TCF4: variants seen among roughly 807,000 people sequenced by gnomAD.
TCF4 encodes the protein transcription factor 4.
In TCF4, 3 loss-of-function variants were observed where a neutral mutation model predicts 82.1. That is an observed-to-expected ratio of 0.04 (90% CI 0.02 to 0.09). The LOEUF is 0.09. TCF4 is among the 10% of genes least tolerant of loss of function. TCF4 has a pLI of 1.00. For synonymous variants in TCF4, 276 were observed against 309.6 expected (o/e 0.89, Z 1.14); for missense variants, 518 against 852.7 (o/e 0.61, Z 4.89).
At chr18:55,527,397 A>T (rs1262169708) in intron 3 of TCF4, among the ~76,000 whole-genome samples, 1 of 152,232 alleles carries the variant, frequency 6.6e-6, no homozygotes, top group East Asian at 1.9e-4. Flanking sequence ...AAAGAAAAAT[A>T]GTAAGGAATT....
At chr18:55,468,260 C>G (rs1224485594) in intron 3 of TCF4, among the ~76,000 whole-genome samples, 1 of 152,176 alleles carries the variant, frequency 6.6e-6, no homozygotes, top group African/African-American at 2.4e-5. Context: ...AAAATGCACA[C>G]AGTGAAGGAC....
chr18:55,619,557 G>T (rs1489094967), intron 2 of TCF4, among the ~76,000 whole-genome samples: 1 of 152,046 alleles, frequency 6.6e-6, no homozygotes, highest in East Asian at 1.9e-4. Context: ...GTTTGATTTG[G>T]TTCTTTGAAA....
chr18:55,353,692 A>T (rs1180857355), intron 6 of TCF4, among the ~76,000 whole-genome samples: 1 of 152,188 alleles, frequency 6.6e-6, no homozygotes, highest in Non-Finnish European at 1.5e-5. Context: ...TCTCTGTAGC[A>T]ATGAGAAAGA....
chr18:55,279,361 T>C (rs2062072524), intron 9 of TCF4, among the ~76,000 whole-genome samples, 190 bp downstream of exon 9: 1 of 152,220 alleles, frequency 6.6e-6, no homozygotes, highest in African/African-American at 2.4e-5. Context: ...AGGGGTTTAA[T>C]TGTAAAGAAA....
intron 3 of TCF4, among the ~76,000 whole-genome samples, chr18:55,554,140 C>A (rs1335669115): frequency 6.6e-6 from 1 of 152,030 alleles, no homozygotes; most frequent in Non-Finnish European, 1.5e-5. Flanking sequence ...ATTGAGATGA[C>A]AGAACCCTAA....
chr18:55,480,267 T>A, intron 3 of TCF4, among the ~76,000 whole-genome samples: 1 of 95,018 alleles, frequency 1.1e-5, no homozygotes, highest in Admixed American at 1.8e-4. Flanking sequence ...TGGAACACAG[T>A]AGGAACTCCA....
intron 5 of TCF4, among the ~76,000 whole-genome samples, chr18:55,441,954 G>A (rs575174933): frequency 1.9e-4 from 29 of 152,250 alleles, no homozygotes; most frequent in African/African-American, 5.8e-4. Flanking sequence ...AAGAAATCGC[G>A]GTGATCCAGT....
At chr18:55,491,956 T>G (rs1354836792) in intron 3 of TCF4, among the ~76,000 whole-genome samples, 2 of 152,198 alleles carry the variant, frequency 1.3e-5, no homozygotes, top group Non-Finnish European at 2.9e-5. Flanking sequence ...AATTTTGGAA[T>G]CATAGAAATT....
intron 3 of TCF4, among the ~76,000 whole-genome samples, chr18:55,564,462 A>G (rs1320996767): frequency 1.3e-5 from 2 of 152,226 alleles, no homozygotes; most frequent in Non-Finnish European, 2.9e-5. Context: ...TAGACCAGGC[A>G]AGAAATGATG....
In TCF4 at chr18:55,226,394, C is replaced by T. The variant is rs554692436; in HGVS notation, c.*1641G>A. 2 of 152,332 alleles carry T rather than the reference C, an allele frequency of 1.3e-5. No individual in the cohort carries two copies. The highest frequency in any genetic ancestry group is 4.8e-5 in the African/African-American group (2 of 41,392). 9.4% of individuals were successfully genotyped at this position (152,332 alleles called of 1,614,324 possible). ...CACTATTTGTTTACTGCACTATACA[C>T]CAAAGTCAATCATTATAAAGATTCA... On this transcript the variant is annotated 3_prime_UTR_variant, in exon 20 of 20. Coordinates refer to ENST00000354452, the MANE Select transcript of TCF4 (RefSeq NM_001083962.2).
intron 4 of TCF4, among the ~76,000 whole-genome samples, chr18:55,463,663 G>GTC (rs1380629495): frequency 6.6e-6 from 1 of 152,132 alleles, no homozygotes; most frequent in East Asian, 1.9e-4. Flanking sequence ...TTATTCAGTA[G>GTC]TCTATTCACA....
At chr18:55,261,305 G>T in intron 12 of TCF4, 161 bp downstream of exon 12, 1 of 836,812 alleles carries the variant, frequency 1.2e-6, no homozygotes, top group Non-Finnish European at 2.1e-6. Flanking sequence ...AAGCTTCAGA[G>T]CCTTCTCAAA....
At position 55,365,217 on chromosome 18, in the gene TCF4, ATGTGTG is replaced by A. The variant is rs573120268; in HGVS notation, c.370-14220_370-14215del. ...TGTGTGTGTGTGTGTGTGTATATAT[ATGTGTG>A]TGTGTGTGTGTATATATATGTGTGT... is the stretch of plus-strand genomic sequence containing the variant. On this transcript the variant is annotated intron_variant, in intron 6 of 19. Transcript: ENST00000354452. Among the ~76,000 whole-genome samples the A allele has an allele frequency of 2.3e-3, 290 of 125,876 alleles. 2 individuals are homozygous for A. Among genetic ancestry groups the A allele is most frequent in the African/African-American group, 9.5e-3 (275 of 28,956 alleles). The allele number at this position is 125,876 out of a possible 152,430, so 82.6% of individuals were successfully genotyped here.
At chr18:55,229,357 G>A (rs1374455713) in intron 17 of TCF4, 12 of 479,488 alleles carry the variant, frequency 2.5e-5, no homozygotes, top group Non-Finnish European at 4.2e-5. Flanking sequence ...TACTGATACA[G>A]GGGGGCAGAA....
chr18:55,366,312 T>C (rs1405924513), intron 6 of TCF4, among the ~76,000 whole-genome samples: 2 of 152,234 alleles, frequency 1.3e-5, no homozygotes, highest in Non-Finnish European at 2.9e-5. Context: ...TATCTACGTA[T>C]CTATAATTTT....
chr18:55,298,319 C>T (rs1467148422), intron 8 of TCF4, among the ~76,000 whole-genome samples: 3 of 152,172 alleles, frequency 2.0e-5, no homozygotes, highest in Non-Finnish European at 2.9e-5. Flanking sequence ...AAACTCTTTT[C>T]CATTTTCCCA....
intron 3 of TCF4, among the ~76,000 whole-genome samples, chr18:55,468,693 G>A (rs1044543969): frequency 3.9e-5 from 6 of 152,156 alleles, no homozygotes; most frequent in African/African-American, 1.2e-4. Context: ...GGGCTCATTA[G>A]TTCTTTATTG....
chr18:55,325,791 C>T (rs1258735142), intron 8 of TCF4, among the ~76,000 whole-genome samples: 1 of 152,032 alleles, frequency 6.6e-6, no homozygotes, highest in Non-Finnish European at 1.5e-5. Flanking sequence ...GCTGAATTAG[C>T]TAAACATCAT....
At chr18:55,542,166 T>A (rs959334643) in intron 3 of TCF4, among the ~76,000 whole-genome samples, 1 of 152,010 alleles carries the variant, frequency 6.6e-6, no homozygotes, top group African/African-American at 2.4e-5. Flanking sequence ...AAAAGAGATT[T>A]AGGAAAGAAC....
Sources: gnomAD v4.1 joint callset for allele counts (sites outside exome capture counted in the v4.1 genomes callset) on GRCh38, gnomAD v4.1.1 for gene constraint, MANE v1.5 for transcripts, NCBI Gene and HGNC (gene_info 2026-07-23, HGNC 2026-07-21) for gene names.